Variants in ANKIB1 observed in about 807,000 individuals in gnomAD.
The protein encoded by ANKIB1 is ankyrin repeat and IBR domain containing 1, also known as ankyrin repeat and IBR domain-containing protein 1.
A neutral mutation model predicts 122.1 loss-of-function variants in ANKIB1; 43 were observed. The observed-to-expected ratio is 0.35, with a 90% CI of 0.28 to 0.45. ANKIB1 has a LOEUF of 0.45. Among genes scored for constraint, ANKIB1 ranks in the 20% least tolerant of loss-of-function variants. ANKIB1 has a pLI of 1.00. For synonymous variants in ANKIB1, 390 were observed against 442.0 expected (o/e 0.88, Z 1.48); for missense variants, 992 against 1,329.5 (o/e 0.75, Z 3.95).
intron 1 of ANKIB1, 69 bp from the exon 2 acceptor site, chr7:92,294,820 T>C: frequency 1.8e-6 from 1 of 557,426 alleles, no homozygotes; most frequent in Non-Finnish European, 3.0e-6. Context: ...TTAGTGTTCC[T>C]AATTGTGTTA....
chr7:92,272,609 G>T (rs1403549822), intron 1 of ANKIB1, among the ~76,000 whole-genome samples: 1 of 152,176 alleles, frequency 6.6e-6, no homozygotes, highest in Non-Finnish European at 1.5e-5. Flanking sequence ...ATCTGGCCCA[G>T]ATTGGTGTAG....
intron 11 of ANKIB1, among the ~76,000 whole-genome samples, chr7:92,376,451 T>A (rs1036034333): frequency 2.0e-5 from 3 of 148,724 alleles, no homozygotes; most frequent in Admixed American, 1.3e-4. Flanking sequence ...TTTTATTTTT[T>A]ATTTTTTTTT....
chr7:92,383,757 A>G (rs1804572698), intron 11 of ANKIB1, among the ~76,000 whole-genome samples: 1 of 152,220 alleles, frequency 6.6e-6, no homozygotes, highest in East Asian at 1.9e-4. Flanking sequence ...AATAAGAGCT[A>G]TTTATGACAA....
chr7:92,388,441 A>C (rs1323996916), intron 14 of ANKIB1, among the ~76,000 whole-genome samples: 1 of 152,258 alleles, frequency 6.6e-6, no homozygotes, highest in East Asian at 1.9e-4. Context: ...AGAAAATTTA[A>C]CAGAGTGCCT....
At chr7:92,282,898 C>G (rs1201058244) in intron 1 of ANKIB1, among the ~76,000 whole-genome samples, 3 of 152,120 alleles carry the variant, frequency 2.0e-5, no homozygotes, top group African/African-American at 7.2e-5. Context: ...ATGTTTCATA[C>G]AGTAGTTGTA....
At position 92,398,252 on chromosome 7, in the gene ANKIB1, T is replaced by G; in HGVS notation, c.2573T>G (p.Leu858Arg). The G allele has an allele frequency of 2.5e-6, 4 of 1,612,302 alleles. No individual in the cohort carries two copies. Among genetic ancestry groups the G allele is most frequent in the Non-Finnish European group, 3.4e-6 (4 of 1,179,140 alleles). The change falls in exon 20 of 20, where the codon CTT becomes CGT. Residue 858 changes from leucine to arginine, a missense_variant. Leu to Arg is a moderately radical substitution (Grantham distance 102). This residue lies in a region of ANKIB1 where 384 missense variants were observed against 412.0 expected (regional missense o/e 0.93). Coordinates refer to ENST00000265742, the MANE Select transcript of ANKIB1 (RefSeq NM_019004.2). ...SLDEDDPNIL[L>R]AIQLSLQESG... ...GATGAAGACGATCCCAATATACTTC[T>G]TGCAATACAGTTATCACTGCAAGAG...
chr7:92,365,142 T>C (rs1804043233), intron 10 of ANKIB1, among the ~76,000 whole-genome samples: 1 of 152,212 alleles, frequency 6.6e-6, no homozygotes, highest in South Asian at 2.1e-4. Context: ...GTAAATGCCC[T>C]CTATGCTCTT....
chr7:92,263,946 G>A (rs569483572), intron 1 of ANKIB1, among the ~76,000 whole-genome samples: 2 of 152,186 alleles, frequency 1.3e-5, no homozygotes, highest in East Asian at 3.9e-4. Context: ...ATATAAAGAG[G>A]TATAAAACCA....
At chr7:92,395,039 TTTA>T (rs1469035191) in intron 17 of ANKIB1, among the ~76,000 whole-genome samples, 2 of 152,206 alleles carry the variant, frequency 1.3e-5, no homozygotes, top group Non-Finnish European at 2.9e-5. Flanking sequence ...TATCTTAGTG[TTTA>T]TCATGGAAAG....
At chr7:92,339,629 T>C (rs918738080) in intron 5 of ANKIB1, among the ~76,000 whole-genome samples, 44 of 152,222 alleles carry the variant, frequency 2.9e-4, no homozygotes, top group African/African-American at 9.9e-4. Flanking sequence ...ATAAAATCGA[T>C]TGCAATATAG....
intron 1 of ANKIB1, among the ~76,000 whole-genome samples, chr7:92,291,030 G>A (rs935414054): frequency 4.6e-5 from 7 of 152,034 alleles, no homozygotes; most frequent in Admixed American, 1.3e-4. Flanking sequence ...GCAGTGGCTC[G>A]CACCTGTAAT....
At chr7:92,247,685 A>G (rs1199965254) in intron 1 of ANKIB1, among the ~76,000 whole-genome samples, 1 of 152,244 alleles carries the variant, frequency 6.6e-6, no homozygotes, top group African/African-American at 2.4e-5. Flanking sequence ...TGATTGGACA[A>G]TAGCTCTTAT....
chr7:92,362,401 A>G (rs1803972111), intron 10 of ANKIB1, 128 bp downstream of exon 10: 1 of 790,434 alleles, frequency 1.3e-6, no homozygotes, highest in Non-Finnish European at 2.0e-6. Context: ...TCTCCTGTTT[A>G]ACATCACAAT....
At chr7:92,325,927 G>A in intron 4 of ANKIB1, 1 of 449,080 alleles carries the variant, frequency 2.2e-6, no homozygotes, top group Admixed American at 2.4e-5. Flanking sequence ...CTTTATGTCA[G>A]TACTGACTGC....
chr7:92,386,477 G>A (rs1374840877), intron 11 of ANKIB1, 32 bp from the exon 12 acceptor site: 2 of 1,557,172 alleles, frequency 1.3e-6, no homozygotes, highest in African/African-American at 1.4e-5. Flanking sequence ...ATTAATATGG[G>A]GAGATGTTTT....
intron 11 of ANKIB1, among the ~76,000 whole-genome samples, chr7:92,385,323 C>T (rs1436649672): frequency 1.3e-5 from 2 of 152,128 alleles, no homozygotes; most frequent in Non-Finnish European, 1.5e-5. Flanking sequence ...GACAGTGTGG[C>T]GATTTCTCAA....
At chr7:92,258,429 C>T (rs574051076) in intron 1 of ANKIB1, among the ~76,000 whole-genome samples, 1 of 152,276 alleles carries the variant, frequency 6.6e-6, no homozygotes, top group South Asian at 2.1e-4. Context: ...CCTCACCCCC[C>T]CAAATTTCTA....
chr7:92,291,093 A>C (rs1473851138), intron 1 of ANKIB1, among the ~76,000 whole-genome samples: 1 of 152,192 alleles, frequency 6.6e-6, no homozygotes, highest in Non-Finnish European at 1.5e-5. Flanking sequence ...CAGGAGTTCG[A>C]GACCAGCCTG....
chr7:92,297,790 A>G (rs1443543759), intron 2 of ANKIB1, among the ~76,000 whole-genome samples: 1 of 152,004 alleles, frequency 6.6e-6, no homozygotes, highest in African/African-American at 2.4e-5. Flanking sequence ...ATTATATTCT[A>G]TTTGGCTTCC....
Sources: gnomAD v4.1 joint callset for allele counts (sites outside exome capture counted in the v4.1 genomes callset) on GRCh38, gnomAD v4.1.1 for gene constraint, gnomAD v4.1.1 regional missense constraint, MANE v1.5 for transcripts, NCBI Gene and HGNC (gene_info 2026-07-23, HGNC 2026-07-21) for gene names.